DNAH9: variants seen among roughly 807,000 people sequenced by gnomAD.
The protein encoded by DNAH9 is dynein axonemal heavy chain 9, also known as DNAH9 variant protein.
Under a neutral mutation model 471.6 loss-of-function variants are expected in DNAH9, and 345 were observed. The ratio of observed to expected loss-of-function variants is 0.73; its 90% CI spans 0.67 to 0.80. The LOEUF is 0.80. Among genes scored for constraint, DNAH9 ranks in the 30% least tolerant of loss-of-function variants. The pLI, the probability that DNAH9 is intolerant of heterozygous loss-of-function variation, is 0.00. For synonymous variants in DNAH9, 2,093 were observed against 2,123.6 expected, an observed-to-expected ratio of 0.99 and a Z score of 0.40; for missense variants, 5,407 against 5,609.2, an observed-to-expected ratio of 0.96 and a Z score of 1.15.
chr17:11,686,111 TGGTGGGTATCAAGGACA>T (rs2074238329), intron 19 of DNAH9, among the ~76,000 whole-genome samples: 1 of 152,120 alleles, frequency 6.6e-6, no homozygotes, highest in South Asian at 2.1e-4. Flanking sequence ...TTATGCTACC[TGGTGGGTATCAAGGACA>T]GGTATGACAC....
At position 11,752,949 on chromosome 17, in the gene DNAH9, G is replaced by A. The variant is rs188273752; in HGVS notation, c.6727G>A (p.Asp2243Asn). Reference sequence around the variant, plus strand: ...GATTGAATCCCTGAATACTGTCATGGATGATAACAAGGTATGAAATTGGGG... The same window carrying A: ...GATTGAATCCCTGAATACTGTCATGAATGATAACAAGGTATGAAATTGGGG... ...MWIESLNTVM[D>N]DNKVLTLASN... The change falls in exon 33 of 69, where the codon GAT becomes AAT. Residue 2243 changes from aspartate to asparagine, a missense_variant. Asp to Asn is a conservative substitution (Grantham distance 23). Transcript: ENST00000262442. The A allele has an allele frequency of 6.3e-7, 1 of 1,590,814 alleles. No individual in the cohort carries two copies. Among genetic ancestry groups the A allele is most frequent in the Admixed American group, 1.8e-5 (1 of 55,894 alleles).
intron 14 of DNAH9, among the ~76,000 whole-genome samples, chr17:11,657,969 T>C (rs2073685190): frequency 1.3e-5 from 2 of 152,098 alleles, no homozygotes; most frequent in Non-Finnish European, 2.9e-5. Flanking sequence ...AATTCAGTTT[T>C]TCCTTTTCAA....
intron 3 of DNAH9, 52 bp downstream of exon 3, chr17:11,610,606 A>C: frequency 6.3e-7 from 1 of 1,575,178 alleles, no homozygotes; most frequent in South Asian, 1.1e-5. Flanking sequence ...TCTTACAGAG[A>C]CTAAAGCTAG....
intron 1 of DNAH9, among the ~76,000 whole-genome samples, chr17:11,606,725 C>T (rs1359660783): frequency 6.6e-6 from 1 of 151,850 alleles, no homozygotes; most frequent in Non-Finnish European, 1.5e-5. Flanking sequence ...TTCTAAGTTG[C>T]GATTAATAGA....
At chr17:11,964,902 T>G (rs1976562845) in intron 68 of DNAH9, among the ~76,000 whole-genome samples, 1 of 152,148 alleles carries the variant, frequency 6.6e-6, no homozygotes, top group Non-Finnish European at 1.5e-5. Flanking sequence ...AGGGATTCCC[T>G]GGACTCACAA....
intron 53 of DNAH9, among the ~76,000 whole-genome samples, chr17:11,876,263 T>C (rs1972477746): frequency 6.6e-6 from 1 of 152,068 alleles, no homozygotes; most frequent in Non-Finnish European, 1.5e-5. Flanking sequence ...GGAAAACAGT[T>C]CTTAAAAGAG....
chr17:11,698,328 ATAT>A (rs1205245819), intron 22 of DNAH9, among the ~76,000 whole-genome samples: 5 of 141,238 alleles, frequency 3.5e-5, no homozygotes, highest in Non-Finnish European at 7.6e-5. Flanking sequence ...TAATATATTA[ATAT>A]TCTATATTAT....
At chr17:11,925,012 TATGCCACTTGTATAC>T in intron 62 of DNAH9, 1 of 339,778 alleles carries the variant, frequency 2.9e-6, no homozygotes, top group Non-Finnish European at 5.8e-6. Context: ...AATCCTCTTT[TATGCCACTTGTATAC>T]ATGCTGGAGT....
chr17:11,899,183 T>TAA (rs3842381), intron 59 of DNAH9, among the ~76,000 whole-genome samples: 6 of 151,038 alleles, frequency 4.0e-5, no homozygotes, highest in Non-Finnish European at 4.4e-5. Flanking sequence ...CATGATTTTT[T>TAA]AAAAAAAAAA....
chr17:11,757,801 C>G, intron 35 of DNAH9, 109 bp downstream of exon 35: 4 of 1,185,850 alleles, frequency 3.4e-6, no homozygotes, highest in Non-Finnish European at 3.5e-6. Context: ...TCAGATGTTC[C>G]CAGAGCGATC....
intron 13 of DNAH9, 49 bp downstream of exon 13, chr17:11,651,373 T>C: frequency 6.4e-7 from 1 of 1,558,258 alleles, no homozygotes; most frequent in Middle Eastern, 1.7e-4. Context: ...GATTCGAGGA[T>C]CTAATAAAGT....
At position 11,834,909 on chromosome 17, in the gene DNAH9, T is replaced by G; in HGVS notation, c.9507+11T>G. 1 of 1,610,852 alleles carries G rather than the reference T, an allele frequency of 6.2e-7. No individual in the cohort carries two copies. The highest frequency in any genetic ancestry group is 8.5e-7 in the Non-Finnish European group (1 of 1,178,984). ...AACACCCTGAACAAGGTAGGAGGAC[T>G]GTCTGCCATACCTGCTCATCCCTCA... On this transcript the variant is annotated intron_variant, in intron 49 of 68. Transcript: ENST00000262442.
At position 11,859,411 on chromosome 17, in the gene DNAH9, C is replaced by CAAA. The variant is rs34446360; in HGVS notation, c.9933+5002_9933+5004dup. ...TGGGCAACAGAGCGAGACTCCGTCTCAAAAAAAAAAAAAAAAAAAAATGCA... is the reference window on the plus strand; with the variant it reads ...TGGGCAACAGAGCGAGACTCCGTCTCAAAAAAAAAAAAAAAAAAAAAAAATGCA... On this transcript the variant is annotated intron_variant, in intron 50 of 68. Transcript: ENST00000262442. Among the ~76,000 whole-genome samples the CAAA allele has an allele frequency of 5.1e-3, 667 of 131,418 alleles. 7 individuals are homozygous for CAAA. Among genetic ancestry groups the CAAA allele is most frequent in the African/African-American group, 0.018 (648 of 35,160 alleles). The allele number at this position is 131,418 out of a possible 152,430, so 86.2% of individuals were successfully genotyped here.
At chr17:11,879,996 G>T in intron 53 of DNAH9, 82 bp from the exon 54 acceptor site, 3 of 1,536,076 alleles carry the variant, frequency 2.0e-6, no homozygotes, top group Non-Finnish European at 2.7e-6. Context: ...ATGTCTTAGA[G>T]GTCACGCTTG....
chr17:11,635,220 G>A (rs1392455583), intron 8 of DNAH9, among the ~76,000 whole-genome samples: 4 of 151,862 alleles, frequency 2.6e-5, no homozygotes, highest in Non-Finnish European at 4.4e-5. Context: ...AGGCTGGAGT[G>A]CAGTGGTGCG....
intron 57 of DNAH9, among the ~76,000 whole-genome samples, chr17:11,890,883 C>T (rs546208321): frequency 2.0e-4 from 31 of 152,156 alleles, no homozygotes; most frequent in Admixed American, 1.8e-3. Flanking sequence ...GACACGGTCT[C>T]GCTATCTTGC....
At position 11,915,698 on chromosome 17, in the gene DNAH9, T is replaced by G. The variant is rs1973929293; in HGVS notation, c.11750-8116T>G. Among the ~76,000 whole-genome samples the G allele has an allele frequency of 2.0e-5, 3 of 152,280 alleles. No homozygotes were observed. The South Asian group carries it at 6.2e-4, about 32-fold the overall frequency. On this transcript the variant is annotated intron_variant, in intron 61 of 68. Coordinates refer to ENST00000262442, the MANE Select transcript of DNAH9 (RefSeq NM_001372.4). ...TCCTAACCTAGGACATTGGCACAAA[T>G]TGTTCTTTTTATCTGAAATATTTTC...
At chr17:11,922,091 G>A (rs1395304905) in intron 61 of DNAH9, among the ~76,000 whole-genome samples, 1 of 152,022 alleles carries the variant, frequency 6.6e-6, no homozygotes, top group African/African-American at 2.4e-5. Context: ...ATTTAATAAC[G>A]GTGTTTCTTG....
intron 55 of DNAH9, among the ~76,000 whole-genome samples, chr17:11,881,851 G>A (rs1436031492): frequency 2.6e-5 from 4 of 152,088 alleles, no homozygotes; most frequent in Non-Finnish European, 5.9e-5. Context: ...GACGGAGGTT[G>A]CAGTGAGCCA....
Sources: gnomAD v4.1 joint callset for allele counts (sites outside exome capture counted in the v4.1 genomes callset) on GRCh38, gnomAD v4.1.1 for gene constraint, MANE v1.5 for transcripts, NCBI Gene and HGNC (gene_info 2026-07-23, HGNC 2026-07-21) for gene names.